Variants in TRDMT1 observed in about 807,000 individuals in gnomAD.
TRDMT1 encodes the protein tRNA (cytosine(38)-C(5))-methyltransferase.
In TRDMT1, 49 loss-of-function variants were observed where a neutral mutation model predicts 51.2. The observed-to-expected ratio is 0.96, with a 90% confidence interval of 0.76 to 1.21. The LOEUF is 1.21. Ranked by LOEUF, TRDMT1 falls within the 50% of genes most tolerant of loss-of-function variation. TRDMT1 has a pLI of 0.00. For synonymous variants in TRDMT1, 187 were observed against 164.6 expected, an observed-to-expected ratio of 1.14 and a Z score of -1.04; for missense variants, 534 against 462.3, an observed-to-expected ratio of 1.16 and a Z score of -1.42.
At position 17,137,985 on chromosome 10, in the gene TRDMT1, T is replaced by C. The variant is rs1183676213; in HGVS notation, c.*11055A>G. ...TTTTTAATAGGGGGATGTTCTTTTA[T>C]CTTGAGTGCAATAATCCTTATGTGA... On this transcript the variant is annotated 3_prime_UTR_variant, in exon 11 of 11. Coordinates refer to ENST00000377799, the MANE Select transcript of TRDMT1 (RefSeq NM_004412.7). 1.3e-5 allele frequency among the ~76,000 whole-genome samples: 2 copies of C among 152,216 alleles called. No homozygotes were observed. Among genetic ancestry groups the C allele is most frequent in the Non-Finnish European group, 2.9e-5 (2 of 68,040 alleles).
At chr10:17,185,710 C>T (rs11254446) in intron 1 of TRDMT1, among the ~76,000 whole-genome samples, 20,829 of 151,978 alleles carry the variant, frequency 0.14, 1,525 homozygotes, top group Admixed American at 0.17. Flanking sequence ...ATATACACCA[C>T]GGAATACTAT....
At chr10:17,176,584 T>C (rs892793036) in intron 1 of TRDMT1, among the ~76,000 whole-genome samples, 2 of 152,208 alleles carry the variant, frequency 1.3e-5, no homozygotes, top group African/African-American at 4.8e-5. Flanking sequence ...TAGACTGTTA[T>C]AAAATTAGGA....
chr10:17,160,744 T>G (rs1004025420), intron 5 of TRDMT1, among the ~76,000 whole-genome samples: 8 of 152,204 alleles, frequency 5.3e-5, no homozygotes, highest in African/African-American at 9.6e-5. Context: ...GTGCTGGGAT[T>G]ACAGGCGTGA....
chr10:17,152,182 T>TGTTTTGTAATGCTGTCACTC, intron 10 of TRDMT1: 4 of 933,718 alleles, frequency 4.3e-6, no homozygotes, highest in Non-Finnish European at 5.7e-6. Flanking sequence ...CTCTTCTATT[T>TGTTTTGTAATGCTGTCACTC]GTTTTGTAAT....
rs1839265545 is a variant in TRDMT1 at position 17,154,728 on chromosome 10, T to C, written c.894A>G (p.Gly298=). Residue 298 remains glycine (G), a synonymous_variant, in exon 9 of 11, where the codon GGA becomes GGG. Transcript: ENST00000377799. The part of the protein sequence containing the change: ...RRSVCFTKGY[G]SYIEGTGSVL... Reference sequence around the variant, plus strand: ...CAGACCCTGTCCCTTCTATGTAGCTTCCATATCTGAAAAATCAACACAACA... The same window carrying C: ...CAGACCCTGTCCCTTCTATGTAGCTCCCATATCTGAAAAATCAACACAACA... The C allele has an allele frequency of 6.2e-7, 1 of 1,603,290 alleles. No homozygotes were observed. The highest frequency in any genetic ancestry group is 1.3e-5 in the African/African-American group (1 of 74,432).
At chr10:17,189,385 C>T (rs1159924219) in intron 1 of TRDMT1, among the ~76,000 whole-genome samples, 4 of 151,976 alleles carry the variant, frequency 2.6e-5, no homozygotes, top group African/African-American at 9.7e-5. Context: ...ATATGCAAAG[C>T]CATAAAAAAT....
At chr10:17,160,514 C>T in intron 5 of TRDMT1, 140 bp from the exon 6 acceptor site, 2 of 461,122 alleles carry the variant, frequency 4.3e-6, no homozygotes, top group Non-Finnish European at 7.4e-6. Flanking sequence ...CTCTGTTGCC[C>T]AGGCTGGAAT....
intron 1 of TRDMT1, among the ~76,000 whole-genome samples, chr10:17,199,525 G>A (rs1308656700): frequency 6.6e-6 from 1 of 152,160 alleles, no homozygotes; most frequent in Non-Finnish European, 1.5e-5. Context: ...AAGAATTCAG[G>A]GAATCGTTTA....
intron 3 of TRDMT1, among the ~76,000 whole-genome samples, chr10:17,163,030 C>G (rs1268850888): frequency 6.6e-6 from 1 of 152,022 alleles, no homozygotes; most frequent in Non-Finnish European, 1.5e-5. Flanking sequence ...AGTAGCAACC[C>G]GAAGCTAATG....
intron 1 of TRDMT1, among the ~76,000 whole-genome samples, chr10:17,183,405 T>C (rs1389858148): frequency 6.6e-6 from 1 of 152,126 alleles, no homozygotes; most frequent in Non-Finnish European, 1.5e-5. Flanking sequence ...GAATATACTA[T>C]TATTTTATTT....
At chr10:17,190,351 T>A (rs1342833481) in intron 1 of TRDMT1, among the ~76,000 whole-genome samples, 1 of 151,912 alleles carries the variant, frequency 6.6e-6, no homozygotes, top group Non-Finnish European at 1.5e-5. Flanking sequence ...CGTGTAATTA[T>A]GTGTAGATTT....
Position 17,157,513 on chromosome 10 carries a change from G to T in TRDMT1, c.815C>A (p.Ser272Ter). ...DVNQYLLPPKSLLRYALLLDI... is the reference protein window; with the variant it reads ...DVNQYLLPPK Reference sequence around the variant, plus strand: ...TAACAGAAGAGCATATCGCAGCAATGACTTTGGTGGTAAAAGATACTGGTT... The same window carrying T: ...TAACAGAAGAGCATATCGCAGCAATTACTTTGGTGGTAAAAGATACTGGTT... Residue 272 changes from serine (S) to a stop codon, truncating the protein, a stop_gained, in exon 8 of 11, where the codon TCA becomes TAA. Transcript: ENST00000377799. LOFTEE classifies it high-confidence loss of function. 6.2e-7 allele frequency: 1 copy of T among 1,614,018 alleles called. No homozygotes were observed. Among genetic ancestry groups the T allele is most frequent in the South Asian group, 1.1e-5 (1 of 91,058 alleles).
At chr10:17,168,069 G>C (rs1489640175) in intron 3 of TRDMT1, among the ~76,000 whole-genome samples, 1 of 152,094 alleles carries the variant, frequency 6.6e-6, no homozygotes, top group Admixed American at 6.6e-5. Context: ...TTGGGAGGTC[G>C]AGGTGGGAGG....
chr10:17,146,280 G>A lies in TRDMT1; in HGVS notation c.*2760C>T. On this transcript the variant is annotated 3_prime_UTR_variant, in exon 11 of 11. Transcript: ENST00000377799. ...TTGAGGAAGAATAAGTTGGCTGAAG[G>A]TTGGAGGTATTTTCTCATCTTTCCA... 1.0e-6 allele frequency: 1 copy of A among 985,426 alleles called. No homozygotes were observed. Among genetic ancestry groups the A allele is most frequent in the Non-Finnish European group, 1.2e-6 (1 of 829,946 alleles). 61.0% of individuals were successfully genotyped at this position (985,426 alleles called of 1,614,324 possible). A position where few individuals can be genotyped will look rare whatever the true frequency, so the allele number is the denominator to read the frequency against.
chr10:17,150,353 G>A (rs1167425852), intron 10 of TRDMT1: 32 of 978,194 alleles, frequency 3.3e-5, no homozygotes, highest in Non-Finnish European at 3.6e-5. Context: ...AATGGTAAGA[G>A]TCCTTTACCT....
chr10:17,169,895 G>A lies in TRDMT1; in HGVS notation c.175-978C>T, dbSNP rs568497118. ...TTGAAAATTTCCTAAAGCACTTCTC[G>A]ACTCCCCAGTGTTAAGGAAAGCAAT... On this transcript the variant is annotated intron_variant, in intron 2 of 10. Transcript: ENST00000377799. Among the ~76,000 whole-genome samples the A allele has an allele frequency of 9.9e-5, 15 of 152,142 alleles. No individual in the cohort carries two copies. The South Asian group carries it at 2.9e-3, about 29-fold the overall frequency.
Position 17,163,634 on chromosome 10 carries a change from TAAAGA to T in TRDMT1, c.252-1402_252-1398del, listed in dbSNP as rs769205309. Among the ~76,000 whole-genome samples the T allele has an allele frequency of 1.6e-3, 239 of 151,574 alleles. 1 individual carries two copies. The highest frequency in any genetic ancestry group is 2.7e-3 in the Non-Finnish European group (186 of 67,796). ...ATTGATAGACCGCTAGCAAGACTAA[TAAAGA>T]AGAGAGAAGAATCAAATAGATGCAA... On this transcript the variant is annotated intron_variant, in intron 3 of 10. Coordinates refer to ENST00000377799, the MANE Select transcript of TRDMT1 (RefSeq NM_004412.7).
At chr10:17,197,951 T>A (rs573916176) in intron 1 of TRDMT1, among the ~76,000 whole-genome samples, 1 of 152,032 alleles carries the variant, frequency 6.6e-6, no homozygotes, top group South Asian at 2.1e-4. Flanking sequence ...GGAAGATCGC[T>A]TGAACCCGGG....
rs1837941236 is a variant in TRDMT1, at chr10:17,144,538, T to A, written c.*4502A>T. The A allele has an allele frequency of 2.0e-6, 2 of 985,822 alleles. No homozygotes were observed. Among genetic ancestry groups the A allele is most frequent in the Non-Finnish European group, 1.2e-6 (1 of 829,928 alleles). The allele number at this position is 985,822 out of a possible 1,614,324, so 61.1% of individuals were successfully genotyped here. On this transcript the variant is annotated 3_prime_UTR_variant, in exon 11 of 11. Transcript: ENST00000377799. Reference sequence around the variant, plus strand: ...GGGAGACTTCAGTAAGTGCTGGATGTGGCTGAAAGTAAGACTCAGAATCTA... The same window carrying A: ...GGGAGACTTCAGTAAGTGCTGGATGAGGCTGAAAGTAAGACTCAGAATCTA...
Sources: gnomAD v4.1 joint callset for allele counts (sites outside exome capture counted in the v4.1 genomes callset) on GRCh38, gnomAD v4.1.1 for gene constraint, MANE v1.5 for transcripts, NCBI Gene and HGNC (gene_info 2026-07-23, HGNC 2026-07-21) for gene names.